The following CD200 variants were observed in gnomAD, a reference collection of about 807,000 sequenced individuals.
CD200 encodes OX-2 membrane glycoprotein.
A neutral mutation model predicts 30.9 loss-of-function variants in CD200; 15 were observed. That is an observed-to-expected ratio of 0.49 (90% CI 0.32 to 0.75). The LOEUF (loss-of-function observed/expected upper bound fraction) is 0.75, where lower values mean the gene tolerates loss of function less well. Among genes scored for constraint, CD200 ranks in the 30% least tolerant of loss-of-function variants. The probability of loss-of-function intolerance (pLI) is 0.03; values close to 1 mark genes in which losing one functional copy is unlikely to be tolerated. For synonymous variants in CD200, 134 were observed against 126.2 expected, an observed-to-expected ratio of 1.06 and a Z score of -0.41; for missense variants, 262 against 324.2, an observed-to-expected ratio of 0.81 and a Z score of 1.47.
chr3:112,336,080 T>C, intron 1 of CD200: 2 of 1,054,958 alleles, frequency 1.9e-6, no homozygotes. Flanking sequence ...AGAGGAAAAA[T>C]GAAGCTTATT....
At chr3:112,349,639 A>C (rs2081491619) in intron 4 of CD200, 73 bp from the exon 5 acceptor site, 1 of 1,221,082 alleles carries the variant, frequency 8.2e-7, no homozygotes, top group African/African-American at 1.8e-5. Context: ...TTTAACTAAA[A>C]GCTCAACTCT....
At chr3:112,349,851 A>C (rs748871529) in intron 5 of CD200, 32 bp downstream of exon 5, 1 of 1,566,108 alleles carries the variant, frequency 6.4e-7, no homozygotes, top group Non-Finnish European at 8.6e-7. Context: ...AAAAAATGAC[A>C]TAAATTAAAT....
intron 5 of CD200, among the ~76,000 whole-genome samples, chr3:112,357,570 G>C (rs1164458551): frequency 1.3e-5 from 2 of 152,202 alleles, no homozygotes; most frequent in Non-Finnish European, 2.9e-5. Flanking sequence ...TTGTACAAAT[G>C]TTCAAGGAAG....
At chr3:112,333,828 T>A (rs1311028000) in intron 1 of CD200, 17 of 985,224 alleles carry the variant, frequency 1.7e-5, no homozygotes, top group Non-Finnish European at 2.0e-5. Flanking sequence ...TGCTCTGTGA[T>A]CATAATGCTT....
intron 3 of CD200, 88 bp from the exon 4 acceptor site, chr3:112,347,470 A>G: frequency 7.8e-7 from 1 of 1,277,620 alleles, no homozygotes; most frequent in South Asian, 1.3e-5. Flanking sequence ...TCTTTCTATA[A>G]GCATATTTCC....
chr3:112,340,321 A>C (rs2081210066), intron 1 of CD200, among the ~76,000 whole-genome samples: 1 of 152,192 alleles, frequency 6.6e-6, no homozygotes, highest in Non-Finnish European at 1.5e-5. Flanking sequence ...CAAGATTTAT[A>C]AGAAGGCCGA....
chr3:112,332,982 A>G, upstream of CD200: 2 of 600,802 alleles, frequency 3.3e-6, no homozygotes, highest in Non-Finnish European at 5.7e-6. Flanking sequence ...GAAAAGGGAA[A>G]AATGTCTGAA....
At chr3:112,347,898 C>T in intron 4 of CD200, 68 bp downstream of exon 4, 7 of 1,399,982 alleles carry the variant, frequency 5.0e-6, no homozygotes, top group Non-Finnish European at 5.9e-6. Context: ...CAGTGAATGT[C>T]CTGCAGAGGT....
chr3:112,345,906 T>C (rs1258417719), intron 3 of CD200, among the ~76,000 whole-genome samples: 2 of 152,158 alleles, frequency 1.3e-5, no homozygotes, highest in African/African-American at 4.8e-5. Context: ...TTTGATGAAA[T>C]TCTTCTTAAC....
Position 112,347,797 on chromosome 3 carries a change from A to T in CD200, c.661A>T (p.Thr221Ser). Residue 221 changes from threonine to serine, a missense_variant, in exon 4 of 6, where the codon ACT becomes TCT. Coordinates refer to ENST00000315711, the MANE Select transcript of CD200 (RefSeq NM_005944.7). ...GATCTGCCAGGTGCTGCACCTGGGG[A>T]CTGTGACCGACTTTAAGCAAACCGT... is the stretch of plus-strand genomic sequence containing the variant. ...EVICQVLHLG[T>S]VTDFKQTVNK... The T allele has an allele frequency of 6.2e-7, 1 of 1,613,684 alleles. No individual in the cohort carries two copies. Among genetic ancestry groups the T allele is most frequent in the Non-Finnish European group, 8.5e-7 (1 of 1,179,816 alleles).
chr3:112,349,929 G>C, intron 5 of CD200, 110 bp downstream of exon 5: 1 of 1,365,756 alleles, frequency 7.3e-7, no homozygotes, highest in Non-Finnish European at 9.5e-7. Context: ...AATGTGTTTT[G>C]TCTGTTGTTT....
chr3:112,343,220 A>ACAT (rs2081308449), intron 2 of CD200, among the ~76,000 whole-genome samples: 1 of 151,876 alleles, frequency 6.6e-6, no homozygotes, highest in African/African-American at 2.4e-5. Context: ...CATACATATA[A>ACAT]AGTATATAGT....
intron 1 of CD200, among the ~76,000 whole-genome samples, chr3:112,338,182 A>C (rs1446377058): frequency 6.6e-6 from 1 of 152,200 alleles, no homozygotes; most frequent in East Asian, 1.9e-4. Context: ...GGTAAAGAAC[A>C]GACACTTCAC....
intron 3 of CD200, among the ~76,000 whole-genome samples, chr3:112,346,783 A>T (rs1445291131): frequency 5.3e-5 from 8 of 152,346 alleles, no homozygotes; most frequent in African/African-American, 1.9e-4. Flanking sequence ...ATCTGCTTAG[A>T]AAAGAAAAAT....
At chr3:112,346,108 G>T (rs956225201) in intron 3 of CD200, among the ~76,000 whole-genome samples, 1 of 151,618 alleles carries the variant, frequency 6.6e-6, no homozygotes, top group Non-Finnish European at 1.5e-5. Context: ...ATGCAAGGGA[G>T]ATAGGACAAT....
At chr3:112,349,647 T>C in intron 4 of CD200, 65 bp from the exon 5 acceptor site, 4 of 1,394,458 alleles carry the variant, frequency 2.9e-6, no homozygotes, top group Non-Finnish European at 3.9e-6. Context: ...AAAGCTCAAC[T>C]CTTTTTGCCT....
Position 112,361,555 on chromosome 3 carries a change from G to C in CD200, c.*5G>C, listed in dbSNP as rs2081742085. ...TTCTTTTATCCAGAGCCCTAAATAA[G>C]TCACACAGCACCCTGAAAGTGATTC... On this transcript the variant is annotated 3_prime_UTR_variant, in exon 6 of 6. Transcript: ENST00000315711. 1.9e-6 allele frequency: 3 copies of C among 1,609,442 alleles called. No individual in the cohort carries two copies. The highest frequency in any genetic ancestry group is 2.6e-6 in the Non-Finnish European group (3 of 1,175,774).
intron 5 of CD200, among the ~76,000 whole-genome samples, chr3:112,353,992 T>C (rs1184721495): frequency 2.0e-5 from 3 of 152,166 alleles, no homozygotes; most frequent in African/African-American, 7.2e-5. Context: ...TCCAGGGCTA[T>C]TTTTCCGCAA....
intron 1 of CD200, among the ~76,000 whole-genome samples, chr3:112,335,587 G>A (rs112142454): frequency 7.5e-4 from 115 of 152,318 alleles, no homozygotes; most frequent in African/African-American, 2.7e-3. Context: ...GAGAGTCTAA[G>A]TGATTGGTTC....
Sources: allele counts gnomAD v4.1 joint callset (sites outside exome capture counted in the v4.1 genomes callset), GRCh38; gene constraint gnomAD v4.1.1; transcripts MANE v1.5; gene names NCBI Gene and HGNC (gene_info 2026-07-23, HGNC 2026-07-21).